Variants in RBMS3 observed in about 807,000 individuals in gnomAD.
RBMS3 encodes RNA binding motif single stranded interacting protein 3.
In RBMS3, 27 loss-of-function variants were observed where a neutral mutation model predicts 66.8. The ratio of observed to expected loss-of-function variants is 0.40; its 90% CI spans 0.30 to 0.56. RBMS3 has a LOEUF of 0.56. Ranked by LOEUF, RBMS3 falls within the 20% of genes least tolerant of loss-of-function variation. The pLI, the probability that RBMS3 is intolerant of heterozygous loss-of-function variation, is 0.40. For missense variants in RBMS3, 513 were observed against 549.5 expected (o/e 0.93, Z 0.66); for synonymous variants, 188 against 183.0 (o/e 1.03, Z -0.22).
At chr3:29,775,296 C>T (rs946254902) in intron 6 of RBMS3, among the ~76,000 whole-genome samples, 8 of 149,096 alleles carry the variant, frequency 5.4e-5, no homozygotes, top group South Asian at 2.1e-4. Context: ...AGCATTCAGG[C>T]GCCTAATCTA....
chr3:30,010,007 A>G lies in RBMS3; in HGVS notation c.*6145A>G, dbSNP rs1244720825. The G allele has an allele frequency of 6.6e-6, 1 of 152,164 alleles. No individual in the cohort carries two copies. The highest frequency in any genetic ancestry group is 6.5e-5 in the Admixed American group (1 of 15,282). The allele number at this position is 152,164 out of a possible 1,614,324, so 9.4% of individuals were successfully genotyped here. A position where few individuals can be genotyped will look rare whatever the true frequency, so the allele number is the denominator to read the frequency against. ...TTCCATTTATTTCAAAAGAAGAAGA[A>G]GAAAAATGGAATCTTAATTTAAAAA... is the stretch of plus-strand genomic sequence containing the variant. On this transcript the variant is annotated 3_prime_UTR_variant, in exon 15 of 15. Coordinates refer to ENST00000383767, the MANE Select transcript of RBMS3 (RefSeq NM_001003793.3).
intron 1 of RBMS3, among the ~76,000 whole-genome samples, chr3:29,295,130 C>G (rs1466455235): frequency 1.3e-5 from 2 of 151,382 alleles, no homozygotes; most frequent in Admixed American, 1.3e-4. Flanking sequence ...CCTGTTGTGG[C>G]TAAGAGTACA....
At chr3:29,432,236 A>G (rs371399979) in intron 1 of RBMS3, among the ~76,000 whole-genome samples, 5 of 152,290 alleles carry the variant, frequency 3.3e-5, no homozygotes, top group African/African-American at 1.2e-4. Flanking sequence ...TAGAATTAAG[A>G]AGCAGATAAA....
At chr3:29,918,812 A>AT (rs1409530788) in intron 10 of RBMS3, among the ~76,000 whole-genome samples, 1 of 152,056 alleles carries the variant, frequency 6.6e-6, no homozygotes, top group East Asian at 1.9e-4. Context: ...TTTTTATTTA[A>AT]TTTTTTAAGA....
intron 4 of RBMS3, among the ~76,000 whole-genome samples, chr3:29,716,697 G>A (rs1018342537): frequency 1.3e-5 from 2 of 152,080 alleles, no homozygotes; most frequent in African/African-American, 4.8e-5. Flanking sequence ...GTTGTTTCCG[G>A]TTTTGCTCAA....
At chr3:29,302,936 T>A (rs1214449300) in intron 1 of RBMS3, among the ~76,000 whole-genome samples, 2 of 152,058 alleles carry the variant, frequency 1.3e-5, no homozygotes, top group South Asian at 4.1e-4. Flanking sequence ...TTATGTTGTG[T>A]ATCGACAAAT....
intron 1 of RBMS3, among the ~76,000 whole-genome samples, chr3:29,342,104 A>G (rs1469449574): frequency 6.6e-6 from 1 of 152,150 alleles, no homozygotes; most frequent in Non-Finnish European, 1.5e-5. Context: ...TGTGATAAGG[A>G]GATATATTTT....
intron 1 of RBMS3, among the ~76,000 whole-genome samples, chr3:29,284,508 G>A (rs981384018): frequency 3.3e-5 from 5 of 152,038 alleles, no homozygotes; most frequent in Non-Finnish European, 7.4e-5. Context: ...AAAACAAAAT[G>A]AAAATGAGAT....
intron 3 of RBMS3, among the ~76,000 whole-genome samples, chr3:29,507,179 A>G (rs185067454): frequency 1.8e-4 from 27 of 151,320 alleles, no homozygotes; most frequent in Admixed American, 1.1e-3. Context: ...TCTCTTTACT[A>G]TCAGCTGTAT....
At chr3:29,511,155 G>A (rs2044389576) in intron 3 of RBMS3, among the ~76,000 whole-genome samples, 1 of 152,116 alleles carries the variant, frequency 6.6e-6, no homozygotes. Context: ...AAATTAGTGG[G>A]ACATGGCGGC....
chr3:29,849,003 G>T (rs1364428621), intron 6 of RBMS3, among the ~76,000 whole-genome samples: 1 of 152,060 alleles, frequency 6.6e-6, no homozygotes, highest in Admixed American at 6.5e-5. Flanking sequence ...GGATATTTTT[G>T]TGTTTATTAA....
rs2059325310 is a variant in RBMS3 at position 29,865,106 on chromosome 3, G to GGAAGGAAGGAAGGAAGGA, written c.638-3752_638-3751insGAAGGAAGGAAGGAAGGA. On this transcript the variant is annotated intron_variant, in intron 6 of 14. Coordinates refer to ENST00000383767, the MANE Select transcript of RBMS3 (RefSeq NM_001003793.3). ...GAAGAAAGGAAGGGAGGGAGGGAGG[G>GGAAGGAAGGAAGGAAGGA]AGGAAGGAAGGAAGGAAGGAAGGAA... Among the ~76,000 whole-genome samples, 155 of 127,200 alleles carry GGAAGGAAGGAAGGAAGGA rather than the reference G, an allele frequency of 1.2e-3. 4 individuals are homozygous for GGAAGGAAGGAAGGAAGGA. Among genetic ancestry groups the GGAAGGAAGGAAGGAAGGA allele is most frequent in the African/African-American group, 4.6e-3 (140 of 30,206 alleles). The allele number at this position is 127,200 out of a possible 152,430, so 83.4% of individuals were successfully genotyped here. A position where few individuals can be genotyped will look rare whatever the true frequency, so the allele number is the denominator to read the frequency against.
chr3:29,500,091 G>C (rs1486351656), intron 3 of RBMS3, among the ~76,000 whole-genome samples: 1 of 144,376 alleles, frequency 6.9e-6, no homozygotes, highest in Non-Finnish European at 1.5e-5. Context: ...TAAAAAAGAA[G>C]AATTACATAA....
At chr3:29,946,132 T>C (rs1695288383) in intron 12 of RBMS3, among the ~76,000 whole-genome samples, 1 of 151,742 alleles carries the variant, frequency 6.6e-6, no homozygotes, top group South Asian at 2.1e-4. Flanking sequence ...TTTCACAGAC[T>C]TCTTTGGTCT....
At chr3:29,504,017 T>C (rs1305338813) in intron 3 of RBMS3, among the ~76,000 whole-genome samples, 2 of 152,138 alleles carry the variant, frequency 1.3e-5, no homozygotes, top group Non-Finnish European at 2.9e-5. Flanking sequence ...AAACAGTTTG[T>C]AGATGATTGT....
chr3:29,624,985 G>C (rs2049007667), intron 4 of RBMS3, among the ~76,000 whole-genome samples: 1 of 152,094 alleles, frequency 6.6e-6, no homozygotes, highest in African/African-American at 2.4e-5. Flanking sequence ...ATTGGAACAT[G>C]GGGGTGGGTT....
At position 30,009,657 on chromosome 3, in the gene RBMS3, T is replaced by C. The variant is rs568921346; in HGVS notation, c.*5795T>C. On this transcript the variant is annotated 3_prime_UTR_variant, in exon 15 of 15. Transcript: ENST00000383767. ...CTTGGTACAGTCATATTCATATTTT[T>C]AAATCTTTCTTTGACCAAAACTATT... The C allele has an allele frequency of 6.6e-6, 1 of 152,300 alleles. No homozygotes were observed. The highest frequency in any genetic ancestry group is 1.5e-5 in the Non-Finnish European group (1 of 68,016). The allele number at this position is 152,300 out of a possible 1,614,324, so 9.4% of individuals were successfully genotyped here.
chr3:29,659,939 T>G (rs898559559), intron 4 of RBMS3, among the ~76,000 whole-genome samples: 3 of 152,248 alleles, frequency 2.0e-5, no homozygotes, highest in African/African-American at 7.2e-5. Flanking sequence ...ATGGGTGTGG[T>G]GAAATCTTAG....
intron 3 of RBMS3, among the ~76,000 whole-genome samples, chr3:29,499,707 G>A (rs1004802544): frequency 6.6e-5 from 10 of 152,204 alleles, no homozygotes; most frequent in Non-Finnish European, 1.5e-4. Flanking sequence ...GCAGAAACCT[G>A]TATCATAAAG....
Sources: gnomAD v4.1 joint callset for allele counts (sites outside exome capture counted in the v4.1 genomes callset) on GRCh38, gnomAD v4.1.1 for gene constraint, MANE v1.5 for transcripts, NCBI Gene and HGNC (gene_info 2026-07-23, HGNC 2026-07-21) for gene names.